The following PARD3 variants were observed in gnomAD, a reference collection of about 807,000 sequenced individuals.
PARD3 encodes partitioning defective 3 homolog.
PARD3 carries 75 observed loss-of-function variants against 155.4 expected under a neutral mutation model. The observed-to-expected ratio is 0.48, with a 90% confidence interval of 0.40 to 0.58. The LOEUF (loss-of-function observed/expected upper bound fraction) is 0.58. PARD3 is among the 20% of genes least tolerant of loss of function. The pLI is 0.00. For synonymous variants in PARD3, 576 were observed against 610.5 expected (o/e 0.94, Z 0.83); for missense variants, 1,642 against 1,721.7 (o/e 0.95, Z 0.82).
intron 1 of PARD3, among the ~76,000 whole-genome samples, chr10:34,739,552 G>C (rs1405617327): frequency 6.6e-6 from 1 of 152,148 alleles, no homozygotes; most frequent in East Asian, 1.9e-4. Flanking sequence ...TTGCAGAGTT[G>C]CAGAAGGCCT....
chr10:34,556,288 T>G (rs2084974134), intron 2 of PARD3, among the ~76,000 whole-genome samples: 1 of 152,122 alleles, frequency 6.6e-6, no homozygotes, highest in Admixed American at 6.6e-5. Flanking sequence ...AAGTGAAACA[T>G]CAAGAAACTC....
intron 19 of PARD3, among the ~76,000 whole-genome samples, chr10:34,324,794 TGA>T (rs1958585682): frequency 6.6e-6 from 1 of 152,132 alleles, no homozygotes; most frequent in African/African-American, 2.4e-5. Context: ...CATCTTTGTG[TGA>T]GAGACGCTAA....
chr10:34,346,617 A>C (rs1837459824), intron 15 of PARD3, among the ~76,000 whole-genome samples: 1 of 152,244 alleles, frequency 6.6e-6, no homozygotes, highest in Non-Finnish European at 1.5e-5. Flanking sequence ...ATCCAACAGC[A>C]GTGAAGAGAG....
At chr10:34,199,027 G>C (rs369958073) in intron 22 of PARD3, among the ~76,000 whole-genome samples, 22 of 152,198 alleles carry the variant, frequency 1.4e-4, no homozygotes, top group African/African-American at 4.6e-4. Flanking sequence ...GCAACCATGG[G>C]CAGAACCTAA....
chr10:34,551,487 C>G (rs1166369159), intron 2 of PARD3, among the ~76,000 whole-genome samples: 1 of 152,198 alleles, frequency 6.6e-6, no homozygotes, highest in African/African-American at 2.4e-5. Flanking sequence ...TAGGAGTTCA[C>G]TGACCCCACC....
At chr10:34,358,485 G>A (rs1839116211) in intron 14 of PARD3, among the ~76,000 whole-genome samples, 1 of 152,142 alleles carries the variant, frequency 6.6e-6, no homozygotes, top group African/African-American at 2.4e-5. Context: ...GAAAGAGAGG[G>A]AGGTATATGC....
chr10:34,606,389 G>A (rs2090438736), intron 2 of PARD3, among the ~76,000 whole-genome samples: 1 of 151,900 alleles, frequency 6.6e-6, no homozygotes, highest in African/African-American at 2.4e-5. Flanking sequence ...AATCATGCCT[G>A]CCGGATCCAG....
intron 2 of PARD3, among the ~76,000 whole-genome samples, chr10:34,643,020 C>T (rs938476154): frequency 6.6e-6 from 1 of 152,214 alleles, no homozygotes; most frequent in African/African-American, 2.4e-5. Flanking sequence ...CCCTACTGCA[C>T]ACATCCAGTG....
chr10:34,196,377 A>G (rs1950934076), intron 22 of PARD3, among the ~76,000 whole-genome samples: 1 of 152,106 alleles, frequency 6.6e-6, no homozygotes, highest in African/African-American at 2.4e-5. Flanking sequence ...TTTATTCTTA[A>G]TATCTTGGAA....
intron 12 of PARD3, among the ~76,000 whole-genome samples, chr10:34,368,208 A>C (rs1043086273): frequency 6.6e-6 from 1 of 152,234 alleles, no homozygotes; most frequent in Non-Finnish European, 1.5e-5. Context: ...GACATCAGTG[A>C]ACTTTGTTAA....
At chr10:34,333,004 T>C (rs1301338550) in intron 18 of PARD3, among the ~76,000 whole-genome samples, 1 of 152,164 alleles carries the variant, frequency 6.6e-6, no homozygotes, top group Non-Finnish European at 1.5e-5. Flanking sequence ...ACCTTTATAG[T>C]TCCTAGAATT....
At chr10:34,461,012 C>T (rs981011539) in intron 4 of PARD3, among the ~76,000 whole-genome samples, 1 of 151,978 alleles carries the variant, frequency 6.6e-6, no homozygotes, top group Admixed American at 6.6e-5. Flanking sequence ...ACCAAGAAAA[C>T]AGATTTGGCT....
chr10:34,428,407 T>C (rs1327036147), intron 5 of PARD3, among the ~76,000 whole-genome samples: 4 of 152,118 alleles, frequency 2.6e-5, no homozygotes, highest in Non-Finnish European at 2.9e-5. Flanking sequence ...TTCCAGCTAG[T>C]TGGGAGGCTG....
chr10:34,198,436 A>G (rs1481948230), intron 22 of PARD3, among the ~76,000 whole-genome samples: 4 of 149,592 alleles, frequency 2.7e-5, no homozygotes, highest in Non-Finnish European at 5.9e-5. Context: ...AAGAATGCCT[A>G]TCTGAAATCA....
At chr10:34,129,814 C>T (rs1167507540) in intron 23 of PARD3, among the ~76,000 whole-genome samples, 4 of 149,582 alleles carry the variant, frequency 2.7e-5, no homozygotes, top group African/African-American at 7.4e-5. Context: ...TGTGCCACCA[C>T]ATCCGGGTAA....
At chr10:34,669,227 T>C (rs746477425) in intron 2 of PARD3, among the ~76,000 whole-genome samples, 5 of 151,978 alleles carry the variant, frequency 3.3e-5, no homozygotes, top group Non-Finnish European at 5.9e-5. Flanking sequence ...CAACAACAGA[T>C]GACTAGATAA....
chr10:34,672,672 G>A (rs896709612), intron 2 of PARD3, among the ~76,000 whole-genome samples: 1 of 152,204 alleles, frequency 6.6e-6, no homozygotes, highest in African/African-American at 2.4e-5. Flanking sequence ...AACAGAGCGA[G>A]GCCCTATTTC....
rs553808216 is a variant in PARD3 at position 34,674,022 on chromosome 10, A to T, written c.222+22296T>A. Among the ~76,000 whole-genome samples the T allele has an allele frequency of 1.1e-4, 17 of 151,516 alleles. No individual in the cohort carries two copies. The East Asian group carries it at 3.1e-3, about 28-fold the overall frequency. On this transcript the variant is annotated intron_variant, in intron 2 of 24. Coordinates refer to ENST00000374788, the MANE Select transcript of PARD3 (RefSeq NM_001184785.2). ...ACAAACAAACAGGAGGAGAGTTCTA[A>T]TTCCCAACTTGTTACATATTCTTAG...
intron 2 of PARD3, among the ~76,000 whole-genome samples, chr10:34,523,634 C>G (rs1053454014): frequency 3.9e-5 from 6 of 152,172 alleles, no homozygotes; most frequent in African/African-American, 1.4e-4. Context: ...TGAGAGATGA[C>G]AGGGAGATGT....
Sources: allele counts gnomAD v4.1 joint callset (sites outside exome capture counted in the v4.1 genomes callset), GRCh38; gene constraint gnomAD v4.1.1; transcripts MANE v1.5; gene names NCBI Gene and HGNC (gene_info 2026-07-23, HGNC 2026-07-21).